GNA11: variants seen among roughly 807,000 people sequenced by gnomAD.
The protein encoded by GNA11 is G protein subunit alpha 11, also known as guanine nucleotide-binding protein subunit alpha-11.
A neutral mutation model predicts 38.2 loss-of-function variants in GNA11; 8 were observed. The ratio of observed to expected loss-of-function variants is 0.21; its 90% CI spans 0.12 to 0.38. GNA11 has a LOEUF of 0.38. Among genes scored for constraint, GNA11 ranks in the 10% least tolerant of loss-of-function variants. The pLI is 1.00. For missense variants in GNA11, 268 were observed against 516.3 expected, an observed-to-expected ratio of 0.52 and a Z score of 4.66; for synonymous variants, 211 against 221.4, an observed-to-expected ratio of 0.95 and a Z score of 0.42.
intron 2 of GNA11, among the ~76,000 whole-genome samples, chr19:3,112,191 A>C (rs1913791028): frequency 6.6e-6 from 1 of 152,182 alleles, no homozygotes; most frequent in Admixed American, 6.5e-5. Flanking sequence ...CTAATCTGGA[A>C]GTTTCCAGGG....
intron 4 of GNA11, 51 bp from the exon 5 acceptor site, chr19:3,118,873 A>C: frequency 6.3e-7 from 1 of 1,587,884 alleles, no homozygotes. Flanking sequence ...GGGATTGCAG[A>C]TTGGGCCTTG....
At chr19:3,099,801 G>A (rs1011264036) in intron 1 of GNA11, among the ~76,000 whole-genome samples, 6 of 152,226 alleles carry the variant, frequency 3.9e-5, no homozygotes, top group African/African-American at 1.2e-4. Context: ...GGACAGCACT[G>A]GTGGGTGGGT....
intron 1 of GNA11, among the ~76,000 whole-genome samples, chr19:3,096,648 C>A (rs1363242384): frequency 6.6e-6 from 1 of 152,184 alleles, no homozygotes; most frequent in Non-Finnish European, 1.5e-5. Context: ...CATCCTCTGT[C>A]CAGTGCCCGC....
At chr19:3,101,197 C>G (rs747735621) in intron 1 of GNA11, among the ~76,000 whole-genome samples, 2 of 152,176 alleles carry the variant, frequency 1.3e-5, no homozygotes, top group Non-Finnish European at 2.9e-5. Flanking sequence ...AACTGGAGGG[C>G]GCTGTGTCTG....
At chr19:3,100,088 G>T (rs1347021055) in intron 1 of GNA11, among the ~76,000 whole-genome samples, 1 of 152,188 alleles carries the variant, frequency 6.6e-6, no homozygotes, top group Non-Finnish European at 1.5e-5. Flanking sequence ...CACATTGGGT[G>T]CTCTGAGAAA....
At chr19:3,099,807 T>G (rs1599296285) in intron 1 of GNA11, among the ~76,000 whole-genome samples, 1 of 152,112 alleles carries the variant, frequency 6.6e-6, no homozygotes, top group Admixed American at 6.5e-5. Context: ...CACTGGTGGG[T>G]GGGTCTTCGG....
intron 1 of GNA11, among the ~76,000 whole-genome samples, chr19:3,102,618 G>A (rs1253198908): frequency 6.6e-6 from 1 of 152,192 alleles, no homozygotes; most frequent in Non-Finnish European, 1.5e-5. Context: ...GAGGCAGCTT[G>A]TCCTCTCCGT....
chr19:3,104,827 G>GT (rs1913599057), intron 1 of GNA11, among the ~76,000 whole-genome samples: 2 of 152,250 alleles, frequency 1.3e-5, no homozygotes, highest in African/African-American at 4.8e-5. Flanking sequence ...GGCCTGTGCT[G>GT]TGGGGGTGCT....
chr19:3,120,942 G>A lies in GNA11; in HGVS notation c.890-47G>A. 5 of 1,460,840 alleles carry A rather than the reference G, an allele frequency of 3.4e-6. No individual in the cohort carries two copies. The highest frequency in any genetic ancestry group is 4.7e-6 in the Non-Finnish European group (5 of 1,053,444). The allele number at this position is 1,460,840 out of a possible 1,614,324, so 90.5% of individuals were successfully genotyped here. ...TGACAAAGGGGCCCACGAGTCCCTT[G>A]CCCTGGGCCGGGCTGGGGCACAGCC... On this transcript the variant is annotated intron_variant, in intron 6 of 6. Transcript: ENST00000078429. The surrounding 1 kb of genome is among the most constrained non-coding windows in gnomAD (Gnocchi z 5.9).
chr19:3,108,196 C>G lies in GNA11; in HGVS notation c.137-1953C>G, dbSNP rs577669798. On this transcript the variant is annotated intron_variant, in intron 1 of 6. Coordinates refer to ENST00000078429, the MANE Select transcript of GNA11 (RefSeq NM_002067.5). The surrounding 1 kb of genome is among the most constrained non-coding windows in gnomAD (Gnocchi z 4.5). ...GGCTTTGTCGAGGGCCTCCCGAAGGCAGCACTGTGGCCACCGTGGGACACA... is the reference window on the plus strand; with the variant it reads ...GGCTTTGTCGAGGGCCTCCCGAAGGGAGCACTGTGGCCACCGTGGGACACA... Among the ~76,000 whole-genome samples the G allele has an allele frequency of 1.5e-4, 23 of 152,172 alleles. No individual in the cohort carries two copies. The highest frequency in any genetic ancestry group is 2.5e-4 in the Non-Finnish European group (17 of 68,028).
In GNA11 at chr19:3,115,049, C is replaced by T. The variant is rs902387291; in HGVS notation, c.582C>T (p.Phe194=). ...VPTTGIIEYP[F]DLENIIFRMV... The stretch of plus-strand genomic sequence containing the variant: ...CCACCGGCATCATCGAGTACCCTTT[C>T]GACCTGGAGAACATCATCTTCCGGT... The change falls in exon 4 of 7, where the codon TTC becomes TTT. Residue 194 remains phenylalanine, a synonymous_variant. Coordinates refer to ENST00000078429, the MANE Select transcript of GNA11 (RefSeq NM_002067.5). 6.2e-6 allele frequency: 10 copies of T among 1,613,172 alleles called. No individual in the cohort carries two copies. Among genetic ancestry groups the T allele is most frequent in the Admixed American group, 3.3e-5 (2 of 59,994 alleles).
intron 1 of GNA11, among the ~76,000 whole-genome samples, chr19:3,098,943 C>T (rs905023548): frequency 2.0e-5 from 3 of 152,184 alleles, no homozygotes; most frequent in African/African-American, 7.2e-5. Flanking sequence ...TCTGCTTTTC[C>T]CGGGCATGGT....
chr19:3,096,951 C>T (rs1913386081), intron 1 of GNA11, among the ~76,000 whole-genome samples: 1 of 152,186 alleles, frequency 6.6e-6, no homozygotes, highest in African/African-American at 2.4e-5. Flanking sequence ...GACAGACCCT[C>T]AGAAAACTTC....
intron 1 of GNA11, among the ~76,000 whole-genome samples, chr19:3,103,698 T>G (rs1015933127): frequency 6.6e-6 from 1 of 151,592 alleles, no homozygotes; most frequent in Non-Finnish European, 1.5e-5. Context: ...GCTAATTTTT[T>G]TTTTTGTAAA....
intron 2 of GNA11, among the ~76,000 whole-genome samples, chr19:3,112,774 G>A (rs1419610957): frequency 6.6e-6 from 1 of 152,264 alleles, no homozygotes; most frequent in African/African-American, 2.4e-5. Context: ...TCTTGATGAT[G>A]TTTGATAAGC....
At chr19:3,105,880 C>G (rs1913628083) in intron 1 of GNA11, among the ~76,000 whole-genome samples, 6 of 152,108 alleles carry the variant, frequency 3.9e-5, no homozygotes. Flanking sequence ...AGGCTCTGTC[C>G]TGGCAGGTGC....
chr19:3,116,231 G>A (rs1913917723), intron 4 of GNA11, among the ~76,000 whole-genome samples: 1 of 152,138 alleles, frequency 6.6e-6, no homozygotes, highest in Non-Finnish European at 1.5e-5. Flanking sequence ...GACCCTGCCT[G>A]CCTGTCTCCT....
At position 3,103,519 on chromosome 19, in the gene GNA11, C is replaced by CTTTTTTTTTTTTTTT. The variant is rs760497682; in HGVS notation, c.137-6613_137-6599dup. 6.8e-4 allele frequency among the ~76,000 whole-genome samples: 31 copies of CTTTTTTTTTTTTTTT among 45,812 alleles called. 7 individuals carry two copies. The highest frequency in any genetic ancestry group is 8.4e-4 in the Non-Finnish European group (21 of 25,132). The allele number at this position is 45,812 out of a possible 152,430, so 30.1% of individuals were successfully genotyped here. On this transcript the variant is annotated intron_variant, in intron 1 of 6. Coordinates refer to ENST00000078429, the MANE Select transcript of GNA11 (RefSeq NM_002067.5). ...TGAGCCACTGCGCCCGGCCTTGAAT[C>CTTTTTTTTTTTTTTT]TTTTTTTTTTTTTTTTTTTTTTTTT...
Position 3,120,347 on chromosome 19 carries a change from G to A in GNA11, c.890-642G>A, listed in dbSNP as rs1914037765. 6.6e-6 allele frequency among the ~76,000 whole-genome samples: 1 copy of A among 152,102 alleles called. No individual in the cohort carries two copies. The highest frequency in any genetic ancestry group is 1.5e-5 in the Non-Finnish European group (1 of 67,980). On this transcript the variant is annotated intron_variant, in intron 6 of 6. Coordinates refer to ENST00000078429, the MANE Select transcript of GNA11 (RefSeq NM_002067.5). This position sits in a 1 kb window ranked among gnomAD's most constrained non-coding sequence, Gnocchi z 5.9. ...CTGTGGGCTCAGAGAGCCCTGGTGG[G>A]GGGAGGCCAAGGGACTGGGGCATAG...
Sources: allele counts gnomAD v4.1 joint callset (sites outside exome capture counted in the v4.1 genomes callset), GRCh38; gene constraint gnomAD v4.1.1; non-coding constraint Gnocchi (gnomAD v3.1); transcripts MANE v1.5; gene names NCBI Gene and HGNC (gene_info 2026-07-23, HGNC 2026-07-21).